The following SLC35F4 variants were observed in gnomAD, a reference collection of about 807,000 sequenced individuals.
The protein encoded by SLC35F4 is chromosome 14 open reading frame 36.
In SLC35F4, 24 loss-of-function variants were observed where a neutral mutation model predicts 44.2. The observed-to-expected ratio is 0.54, with a 90% CI of 0.39 to 0.76. The LOEUF is 0.76. Among genes scored for constraint, SLC35F4 ranks in the 30% least tolerant of loss-of-function variants. SLC35F4 has a pLI of 0.00. For synonymous variants in SLC35F4, 238 were observed against 223.6 expected (o/e 1.06, Z -0.57); for missense variants, 562 against 586.1 (o/e 0.96, Z 0.42).
At chr14:57,698,597 C>G (rs190669623) in intron 1 of SLC35F4, among the ~76,000 whole-genome samples, 97 of 151,734 alleles carry the variant, frequency 6.4e-4, no homozygotes, top group Non-Finnish European at 1.2e-3. Flanking sequence ...AAAGAGCTAC[C>G]CTGAGAAAGA....
At chr14:57,884,456 T>C (rs1888605038) in intron 1 of SLC35F4, among the ~76,000 whole-genome samples, 1 of 152,162 alleles carries the variant, frequency 6.6e-6, no homozygotes, top group Non-Finnish European at 1.5e-5. Context: ...AGAGGACTCT[T>C]CCATATTTCG....
At chr14:57,753,588 T>C (rs774324686) in intron 1 of SLC35F4, among the ~76,000 whole-genome samples, 10 of 152,160 alleles carry the variant, frequency 6.6e-5, no homozygotes, top group Non-Finnish European at 1.5e-4. Flanking sequence ...CCTTGATCTG[T>C]TTCCCACAAC....
intron 1 of SLC35F4, among the ~76,000 whole-genome samples, chr14:57,900,712 A>G (rs536980608): frequency 6.6e-6 from 1 of 152,364 alleles, no homozygotes; most frequent in African/African-American, 2.4e-5. Flanking sequence ...GCACAGCTAA[A>G]GAAACTATCA....
chr14:57,961,010 A>G (rs1173501244), intron 1 of SLC35F4, among the ~76,000 whole-genome samples: 1 of 152,130 alleles, frequency 6.6e-6, no homozygotes, highest in Non-Finnish European at 1.5e-5. Flanking sequence ...GAGGGGCCGG[A>G]GCACACGTGT....
At chr14:57,901,083 T>C (rs961620467) in intron 1 of SLC35F4, among the ~76,000 whole-genome samples, 10 of 152,284 alleles carry the variant, frequency 6.6e-5, no homozygotes, top group East Asian at 5.8e-4. Context: ...GAGTTTAAAT[T>C]AGTTCAAGCA....
intron 1 of SLC35F4, among the ~76,000 whole-genome samples, chr14:57,807,435 T>C (rs1171963718): frequency 1.3e-5 from 2 of 151,928 alleles, no homozygotes; most frequent in Non-Finnish European, 2.9e-5. Flanking sequence ...AAACAGGCAA[T>C]TTTTGGCCCC....
At chr14:57,585,858 C>CATTG (rs1468873503) in intron 3 of SLC35F4, among the ~76,000 whole-genome samples, 1 of 152,218 alleles carries the variant, frequency 6.6e-6, no homozygotes, top group African/African-American at 2.4e-5. Context: ...ATTCTATGCT[C>CATTG]ATTGATAGGA....
chr14:57,755,616 T>C (rs1366955577), intron 1 of SLC35F4, among the ~76,000 whole-genome samples: 7 of 152,318 alleles, frequency 4.6e-5, no homozygotes, highest in Non-Finnish European at 7.3e-5. Flanking sequence ...AATTATGCAT[T>C]ATAAAAGAAC....
intron 1 of SLC35F4, among the ~76,000 whole-genome samples, chr14:57,743,757 G>A (rs2076683664): frequency 1.3e-5 from 2 of 152,110 alleles, no homozygotes; most frequent in Non-Finnish European, 2.9e-5. Context: ...CCAAAGGCTG[G>A]CAAAGACACA....
At chr14:57,839,460 C>G (rs1885274719) in intron 1 of SLC35F4, among the ~76,000 whole-genome samples, 1 of 152,152 alleles carries the variant, frequency 6.6e-6, no homozygotes. Flanking sequence ...AAGCTGTTAT[C>G]CTCAGCAAAC....
At chr14:57,878,973 G>T (rs1250233476) in intron 1 of SLC35F4, among the ~76,000 whole-genome samples, 1 of 152,058 alleles carries the variant, frequency 6.6e-6, no homozygotes. Context: ...TGACAAACCA[G>T]CACTTGGGCC....
Position 57,622,577 on chromosome 14 carries a change from C to A in SLC35F4, c.104-28453G>T, listed in dbSNP as rs1374303630. On this transcript the variant is annotated intron_variant, in intron 1 of 7. Coordinates refer to ENST00000556826, the MANE Select transcript of SLC35F4 (RefSeq NM_001306087.2). ...AGTAAACTATCGCAAGAACAAAAAACCAAAAACTGCATATTCTCACTCATA... is the reference window on the plus strand; with the variant it reads ...AGTAAACTATCGCAAGAACAAAAAAACAAAAACTGCATATTCTCACTCATA... Among the ~76,000 whole-genome samples, 6 of 150,830 alleles carry A rather than the reference C, an allele frequency of 4.0e-5. No homozygotes were observed. The East Asian group carries it at 9.8e-4, about 25-fold the overall frequency.
At chr14:57,934,390 C>G (rs1400928688) in intron 1 of SLC35F4, among the ~76,000 whole-genome samples, 1 of 149,590 alleles carries the variant, frequency 6.7e-6, no homozygotes, top group African/African-American at 2.5e-5. Context: ...GAGAATACCT[C>G]CGGAACATGA....
At chr14:57,891,757 T>C (rs954747357) in intron 1 of SLC35F4, among the ~76,000 whole-genome samples, 1 of 152,006 alleles carries the variant, frequency 6.6e-6, no homozygotes, top group African/African-American at 2.4e-5. Flanking sequence ...GCACCTGTAG[T>C]CCCAGCTACT....
intron 1 of SLC35F4, among the ~76,000 whole-genome samples, chr14:57,616,055 T>C (rs752893944): frequency 2.6e-5 from 4 of 152,220 alleles, no homozygotes; most frequent in Non-Finnish European, 2.9e-5. Context: ...GTTTTTATAG[T>C]GACAAACTGT....
chr14:57,575,451 A>C (rs2068733680), intron 4 of SLC35F4, among the ~76,000 whole-genome samples: 1 of 152,174 alleles, frequency 6.6e-6, no homozygotes, highest in East Asian at 1.9e-4. Context: ...ACTGCACTCC[A>C]GCCTGGGCAA....
intron 1 of SLC35F4, among the ~76,000 whole-genome samples, chr14:57,769,852 G>C (rs561557828): frequency 6.6e-6 from 1 of 152,244 alleles, no homozygotes; most frequent in South Asian, 2.1e-4. Context: ...CCTGATATAA[G>C]GGTTTTAAAT....
At chr14:57,585,552 GTC>G (rs2069646061) in intron 3 of SLC35F4, among the ~76,000 whole-genome samples, 1 of 152,146 alleles carries the variant, frequency 6.6e-6, no homozygotes, top group Non-Finnish European at 1.5e-5. Flanking sequence ...AAGTCAAATT[GTC>G]TCTGTTTGCA....
At chr14:57,754,548 T>G (rs973981084) in intron 1 of SLC35F4, among the ~76,000 whole-genome samples, 5 of 152,218 alleles carry the variant, frequency 3.3e-5, no homozygotes, top group Non-Finnish European at 5.9e-5. Context: ...GAACCAGATT[T>G]ATTAAATTAT....
Sources: gnomAD v4.1 joint callset for allele counts (sites outside exome capture counted in the v4.1 genomes callset) on GRCh38, gnomAD v4.1.1 for gene constraint, MANE v1.5 for transcripts, NCBI Gene and HGNC (gene_info 2026-07-23, HGNC 2026-07-21) for gene names.